The following CDKAL1 variants were observed in gnomAD, a reference collection of about 807,000 sequenced individuals.
CDKAL1 encodes the protein threonylcarbamoyladenosine tRNA methylthiotransferase.
A neutral mutation model predicts 68.2 loss-of-function variants in CDKAL1; 32 were observed. The observed-to-expected ratio is 0.47, with a 90% CI of 0.35 to 0.63. CDKAL1 has a LOEUF of 0.63. CDKAL1 is among the 30% of genes least tolerant of loss of function. The pLI is 0.00. For missense variants in CDKAL1, 606 were observed against 696.7 expected, an observed-to-expected ratio of 0.87 and a Z score of 1.47; for synonymous variants, 234 against 244.3, an observed-to-expected ratio of 0.96 and a Z score of 0.39.
At chr6:21,004,399 G>C (rs755369974) in intron 11 of CDKAL1, among the ~76,000 whole-genome samples, 1 of 152,144 alleles carries the variant, frequency 6.6e-6, no homozygotes, top group Non-Finnish European at 1.5e-5. Flanking sequence ...GGCACATGTT[G>C]AGGCATATGG....
chr6:20,543,832 G>T (rs112566863), intron 2 of CDKAL1, among the ~76,000 whole-genome samples: 1 of 149,978 alleles, frequency 6.7e-6, no homozygotes, highest in Non-Finnish European at 1.5e-5. Context: ...TGCCTTGTGG[G>T]TTCAAGCAAT....
chr6:20,598,256 T>C (rs956729468), intron 4 of CDKAL1, among the ~76,000 whole-genome samples: 1 of 152,240 alleles, frequency 6.6e-6, no homozygotes, highest in African/African-American at 2.4e-5. Flanking sequence ...ATGGTTATAG[T>C]TAGAAAAATC....
intron 15 of CDKAL1, among the ~76,000 whole-genome samples, chr6:21,211,398 A>C (rs1779142528): frequency 6.6e-6 from 1 of 152,152 alleles, no homozygotes; most frequent in Non-Finnish European, 1.5e-5. Context: ...TAACAAATTA[A>C]CCCTGAAATC....
chr6:20,624,010 G>T (rs748909078), intron 4 of CDKAL1, among the ~76,000 whole-genome samples: 3 of 152,030 alleles, frequency 2.0e-5, no homozygotes, highest in Non-Finnish European at 2.9e-5. Flanking sequence ...TTTTTTAAAG[G>T]AGTATGGGTT....
At chr6:20,572,207 G>A (rs1385916490) in intron 4 of CDKAL1, among the ~76,000 whole-genome samples, 2 of 152,090 alleles carry the variant, frequency 1.3e-5, no homozygotes, top group Non-Finnish European at 2.9e-5. Flanking sequence ...TTGGTTATTA[G>A]GCAGCAAGAG....
chr6:20,747,256 G>A (rs62399307), intron 6 of CDKAL1, among the ~76,000 whole-genome samples: 8,520 of 152,192 alleles, frequency 0.056, 273 homozygotes, highest in African/African-American at 0.095. Flanking sequence ...GGATACTTAG[G>A]TTGTTTTCAC....
chr6:20,691,124 AC>A (rs1414594447), intron 5 of CDKAL1, among the ~76,000 whole-genome samples: 1 of 152,172 alleles, frequency 6.6e-6, no homozygotes, highest in African/African-American at 2.4e-5. Flanking sequence ...GACCCCACAA[AC>A]ACCCCGCAGG....
At chr6:21,175,614 T>C (rs1777545324) in intron 13 of CDKAL1, among the ~76,000 whole-genome samples, 1 of 152,250 alleles carries the variant, frequency 6.6e-6, no homozygotes, top group Admixed American at 6.5e-5. Flanking sequence ...GTGTCATTTA[T>C]TGTACACTGA....
chr6:20,775,120 T>C (rs1186725998), intron 7 of CDKAL1, among the ~76,000 whole-genome samples: 1 of 152,192 alleles, frequency 6.6e-6, no homozygotes, highest in Non-Finnish European at 1.5e-5. Context: ...CTTTCTCATC[T>C]TTTTATTAAA....
chr6:20,594,616 GT>G (rs938329180), intron 4 of CDKAL1, among the ~76,000 whole-genome samples: 8 of 152,084 alleles, frequency 5.3e-5, no homozygotes, highest in African/African-American at 1.7e-4. Context: ...ATGCCGACGG[GT>G]CTTGACTCTT....
chr6:20,723,912 A>C (rs1006317275), intron 5 of CDKAL1, among the ~76,000 whole-genome samples: 1 of 152,136 alleles, frequency 6.6e-6, no homozygotes, highest in Non-Finnish European at 1.5e-5. Context: ...CCAGGACTCA[A>C]GTGGCTCTTG....
chr6:21,056,569 G>C (rs960037535), intron 11 of CDKAL1, among the ~76,000 whole-genome samples: 10 of 152,254 alleles, frequency 6.6e-5, no homozygotes, highest in Admixed American at 5.9e-4. Context: ...TGTTGAACAG[G>C]AGTAGCGAGA....
chr6:20,803,232 A>G (rs9465894), intron 8 of CDKAL1, among the ~76,000 whole-genome samples: 10,085 of 152,256 alleles, frequency 0.066, 382 homozygotes, highest in Middle Eastern at 0.082. Context: ...AGGGTGGTAT[A>G]AGAGTCCCAT....
At chr6:20,645,450 G>A (rs1401318180) in intron 4 of CDKAL1, among the ~76,000 whole-genome samples, 2 of 151,882 alleles carry the variant, frequency 1.3e-5, no homozygotes, top group Non-Finnish European at 2.9e-5. Context: ...ATTTACTTAT[G>A]GCCAGGCGCA....
chr6:21,209,203 G>T (rs1779057692), intron 15 of CDKAL1, among the ~76,000 whole-genome samples: 1 of 152,102 alleles, frequency 6.6e-6, no homozygotes. Context: ...TCTTTATACA[G>T]CTGTACACAC....
chr6:20,915,721 A>G (rs73735027), intron 9 of CDKAL1, among the ~76,000 whole-genome samples: 57 of 152,226 alleles, frequency 3.7e-4, no homozygotes, highest in African/African-American at 1.3e-3. Context: ...GAGAAATGAA[A>G]ACTTTTGTTC....
chr6:20,618,622 T>C (rs1037762524), intron 4 of CDKAL1, among the ~76,000 whole-genome samples: 1 of 152,212 alleles, frequency 6.6e-6, no homozygotes, highest in African/African-American at 2.4e-5. Flanking sequence ...GCATATTCCC[T>C]ATTTGATTCC....
chr6:20,662,724 T>C lies in CDKAL1; in HGVS notation c.371+13347T>C, dbSNP rs191085434. On this transcript the variant is annotated intron_variant, in intron 5 of 15. Transcript: ENST00000274695. ...AAATGAATGAACCAACTCATATGTATGTTTCCTTTGCATGTTTATCTTTCC... is the reference window on the plus strand; with the variant it reads ...AAATGAATGAACCAACTCATATGTACGTTTCCTTTGCATGTTTATCTTTCC... Among the ~76,000 whole-genome samples the C allele has an allele frequency of 4.3e-4, 65 of 152,282 alleles. 1 individual carries two copies. In the East Asian group the frequency reaches 8.7e-3, roughly 20 times the overall value.
At chr6:20,723,356 T>A (rs1772479766) in intron 5 of CDKAL1, among the ~76,000 whole-genome samples, 1 of 152,250 alleles carries the variant, frequency 6.6e-6, no homozygotes, top group African/African-American at 2.4e-5. Context: ...CTCACCTGGG[T>A]GCAGCTGTGT....
Sources: allele counts gnomAD v4.1 joint callset (sites outside exome capture counted in the v4.1 genomes callset), GRCh38; gene constraint gnomAD v4.1.1; transcripts MANE v1.5; gene names NCBI Gene and HGNC (gene_info 2026-07-23, HGNC 2026-07-21).